LNX1: variants seen among roughly 807,000 people sequenced by gnomAD.
LNX1 encodes E3 ubiquitin-protein ligase LNX.
Under a neutral mutation model 68.4 loss-of-function variants are expected in LNX1, and 54 were observed. The ratio of observed to expected loss-of-function variants is 0.79; its 90% confidence interval spans 0.63 to 0.99. The LOEUF (loss-of-function observed/expected upper bound fraction) is 0.99, where lower values mean the gene tolerates loss of function less well. Among genes scored for constraint, LNX1 ranks in the 50% least tolerant of loss-of-function variants. The pLI is 0.00. For missense variants in LNX1, 906 were observed against 926.4 expected, an observed-to-expected ratio of 0.98 and a Z score of 0.29; for synonymous variants, 336 against 350.0, an observed-to-expected ratio of 0.96 and a Z score of 0.45.
At chr4:53,465,517 T>C (rs1722611463) in intron 9 of LNX1, among the ~76,000 whole-genome samples, 1 of 152,180 alleles carries the variant, frequency 6.6e-6, no homozygotes, top group Non-Finnish European at 1.5e-5. Flanking sequence ...GCAGCTGCTT[T>C]AATCTGGGGA....
chr4:53,502,007 A>T (rs1181107950), intron 4 of LNX1: 1 of 151,870 alleles, frequency 6.6e-6, no homozygotes, highest in Non-Finnish European at 1.5e-5. Flanking sequence ...TCAAGTACAG[A>T]CTCCTAAATA....
At chr4:53,580,500 C>T (rs1008439250) in intron 1 of LNX1, among the ~76,000 whole-genome samples, 1 of 152,224 alleles carries the variant, frequency 6.6e-6, no homozygotes, top group African/African-American at 2.4e-5. Flanking sequence ...CATCCACTTT[C>T]TTGCAGCAAT....
intron 2 of LNX1, among the ~76,000 whole-genome samples, chr4:53,531,292 C>T (rs933708605): frequency 6.6e-6 from 1 of 152,136 alleles, no homozygotes; most frequent in African/African-American, 2.4e-5. Flanking sequence ...AAAACTGGGT[C>T]AGAAAAGAAA....
Position 53,507,324 on chromosome 4 carries a change from G to A in LNX1, c.768C>T (p.Ala256=), listed in dbSNP as rs765917569. 85 of 1,613,934 alleles carry A rather than the reference G, an allele frequency of 5.3e-5. No homozygotes were observed. Among genetic ancestry groups the A allele is most frequent in the Non-Finnish European group, 6.9e-5 (82 of 1,179,994 alleles). ...TATGGGGAGTTCATTTACCTTCAGGGGCAGTGGTGTTTTCAGAATTTTCCC... is the reference window on the plus strand; with the variant it reads ...TATGGGGAGTTCATTTACCTTCAGGAGCAGTGGTGTTTTCAGAATTTTCCC... ...QGRENSENTT[A]PEVFPRLYHL... is the part of the protein sequence containing the mutation. Residue 256 remains alanine, a synonymous_variant, in exon 4 of 11, where the codon GCC becomes GCT. Coordinates refer to ENST00000263925, the MANE Select transcript of LNX1 (RefSeq NM_001126328.3).
chr4:53,509,682 C>T (rs1190356842), intron 2 of LNX1, among the ~76,000 whole-genome samples: 1 of 152,204 alleles, frequency 6.6e-6, no homozygotes, highest in African/African-American at 2.4e-5. Flanking sequence ...TACATGACTA[C>T]AAGCAGTTCT....
chr4:53,477,935 G>T (rs545552006), intron 8 of LNX1, among the ~76,000 whole-genome samples: 1 of 152,168 alleles, frequency 6.6e-6, no homozygotes, highest in African/African-American at 2.4e-5. Context: ...CTTGAACCTG[G>T]ACTTTTAAAT....
chr4:53,628,011 C>T (rs188819089), intron 1 of LNX1, among the ~76,000 whole-genome samples: 3 of 152,280 alleles, frequency 2.0e-5, no homozygotes, highest in African/African-American at 4.8e-5. Context: ...TCATGGATAT[C>T]GGTTTACAAC....
At chr4:53,525,719 G>A (rs1727562633) in intron 2 of LNX1, among the ~76,000 whole-genome samples, 1 of 152,188 alleles carries the variant, frequency 6.6e-6, no homozygotes, top group African/African-American at 2.4e-5. Flanking sequence ...CTCAGTTAGG[G>A]GAGGTTCTTC....
intron 1 of LNX1, among the ~76,000 whole-genome samples, chr4:53,583,342 G>T (rs529073524): frequency 6.6e-6 from 1 of 152,196 alleles, no homozygotes; most frequent in African/African-American, 2.4e-5. Flanking sequence ...GAAGTTTGGG[G>T]TGATGTGTCT....
At chr4:53,610,384 T>C (rs1427236827) in intron 2 of LNX1, among the ~76,000 whole-genome samples, 2 of 152,174 alleles carry the variant, frequency 1.3e-5, no homozygotes, top group Non-Finnish European at 2.9e-5. Context: ...TATAACATAC[T>C]CTAGGATTCT....
chr4:53,463,509 T>C (rs571523467), intron 9 of LNX1, among the ~76,000 whole-genome samples: 50 of 152,232 alleles, frequency 3.3e-4, no homozygotes, highest in Admixed American at 1.6e-3. Context: ...GTTGGGTTAT[T>C]TCACTCCCCA....
chr4:53,619,274 A>G (rs1733784029), upstream of LNX1, among the ~76,000 whole-genome samples: 1 of 152,252 alleles, frequency 6.6e-6, no homozygotes, highest in Non-Finnish European at 1.5e-5. Flanking sequence ...AAATATATAC[A>G]AACACTATTT....
intron 1 of LNX1, among the ~76,000 whole-genome samples, chr4:53,580,548 G>A (rs1420289206): frequency 6.6e-6 from 1 of 151,226 alleles, no homozygotes; most frequent in Non-Finnish European, 1.5e-5. Flanking sequence ...GGGTAGAGGA[G>A]GAGACACTGC....
chr4:53,480,725 A>C (rs1244393025), intron 7 of LNX1, among the ~76,000 whole-genome samples: 2 of 152,202 alleles, frequency 1.3e-5, no homozygotes, highest in Admixed American at 1.3e-4. Flanking sequence ...TAATTAACAT[A>C]GTATAAAGCA....
intron 2 of LNX1, among the ~76,000 whole-genome samples, chr4:53,569,735 A>C (rs1263227029): frequency 1.4e-4 from 21 of 147,130 alleles, no homozygotes; most frequent in African/African-American, 5.0e-4. Context: ...CAACCTACAA[A>C]ATGGGAGAAA....
intron 9 of LNX1, among the ~76,000 whole-genome samples, chr4:53,467,050 G>C (rs1007870421): frequency 3.9e-5 from 6 of 152,180 alleles, no homozygotes; most frequent in Non-Finnish European, 5.9e-5. Flanking sequence ...GCCTCCTCAA[G>C]TGTGTCCCTG....
intron 9 of LNX1, among the ~76,000 whole-genome samples, chr4:53,463,714 G>C (rs1274203874): frequency 1.3e-5 from 2 of 152,090 alleles, no homozygotes; most frequent in Admixed American, 1.3e-4. Context: ...GTTACCTCAA[G>C]AACAAATTTA....
intron 2 of LNX1, chr4:53,603,846 T>C (rs1481374519): frequency 6.6e-6 from 1 of 152,212 alleles, no homozygotes; most frequent in Non-Finnish European, 1.5e-5. Flanking sequence ...ATCCAGACTA[T>C]ATCGGGGCTG....
intron 1 of LNX1, among the ~76,000 whole-genome samples, chr4:53,590,055 A>G (rs531252081): frequency 2.8e-4 from 42 of 152,328 alleles, no homozygotes; most frequent in Non-Finnish European, 4.1e-4. Flanking sequence ...GAACCTTAGT[A>G]AGAGACAAGT....
Sources: allele counts gnomAD v4.1 joint callset (sites outside exome capture counted in the v4.1 genomes callset), GRCh38; gene constraint gnomAD v4.1.1; transcripts MANE v1.5; gene names NCBI Gene and HGNC (gene_info 2026-07-23, HGNC 2026-07-21).